The following SYNPR variants were observed in gnomAD, a reference collection of about 807,000 sequenced individuals.
SYNPR encodes the protein synaptoporin.
In SYNPR, 23 loss-of-function variants were observed where a neutral mutation model predicts 32.9. That is an observed-to-expected ratio of 0.70 (90% CI 0.50 to 0.99). SYNPR has a LOEUF of 0.99. Among genes scored for constraint, SYNPR ranks in the 50% least tolerant of loss-of-function variants. The pLI is 0.00. For synonymous variants in SYNPR, 146 were observed against 135.9 expected, an observed-to-expected ratio of 1.07 and a Z score of -0.52; for missense variants, 318 against 349.3, an observed-to-expected ratio of 0.91 and a Z score of 0.71.
intron 3 of SYNPR, among the ~76,000 whole-genome samples, chr3:63,493,072 G>A (rs1322051656): frequency 2.0e-5 from 3 of 152,058 alleles, no homozygotes; most frequent in Non-Finnish European, 4.4e-5. Flanking sequence ...AGAAAGAAAT[G>A]TTAGGACATG....
chr3:63,429,474 T>C lies in SYNPR; in HGVS notation c.85-51358T>C, dbSNP rs141830564. On this transcript the variant is annotated intron_variant, in intron 2 of 5. Transcript: ENST00000478300. The stretch of plus-strand genomic sequence containing the variant: ...GCACCATCTTAGGACTGCAACATTT[T>C]AGCCATCTTTGGAATCCCTAGGGAA... Among the ~76,000 whole-genome samples the C allele has an allele frequency of 6.4e-3, 972 of 152,330 alleles. 10 individuals carry two copies. The highest frequency in any genetic ancestry group is 0.022 in the African/African-American group (923 of 41,574).
intron 4 of SYNPR, among the ~76,000 whole-genome samples, chr3:63,608,408 A>G (rs139043823): frequency 9.2e-5 from 14 of 152,310 alleles, no homozygotes; most frequent in Non-Finnish European, 1.9e-4. Context: ...CCTCTTTAAA[A>G]TGGGCATAAG....
intron 3 of SYNPR, among the ~76,000 whole-genome samples, chr3:63,486,423 A>C (rs1328241183): frequency 6.6e-6 from 1 of 152,214 alleles, no homozygotes. Context: ...AGGCACCAGC[A>C]GGACAGAATC....
chr3:63,444,667 T>C (rs1700239904), intron 2 of SYNPR, among the ~76,000 whole-genome samples: 2 of 152,174 alleles, frequency 1.3e-5, no homozygotes, highest in Non-Finnish European at 2.9e-5. Context: ...AGTAGTCTTA[T>C]GACAGCTCAG....
At chr3:63,606,413 C>CTTTCT (rs1700120395) in intron 4 of SYNPR, among the ~76,000 whole-genome samples, 1 of 63,458 alleles carries the variant, frequency 1.6e-5, no homozygotes, top group African/African-American at 4.9e-5. Context: ...ACCTCAAATC[C>CTTTCT]TTTCTTTTTT....
chr3:63,405,570 G>C (rs1463885112), intron 2 of SYNPR, among the ~76,000 whole-genome samples: 1 of 152,074 alleles, frequency 6.6e-6, no homozygotes. Context: ...GTTAAAGAAA[G>C]AACCTAATCT....
At chr3:63,205,605 G>A in the SYNPR span, among the ~76,000 whole-genome samples, 2 of 152,218 alleles carry the variant, frequency 1.3e-5, no homozygotes, top group African/African-American at 2.4e-5. Flanking sequence ...CTGAGTGAAA[G>A]CTCATTGACA....
chr3:63,355,666 TC>T (rs1213184138), intron 2 of SYNPR, among the ~76,000 whole-genome samples: 1 of 152,046 alleles, frequency 6.6e-6, no homozygotes. Flanking sequence ...CTCCATGCCC[TC>T]CCATTCTCCG....
intron 2 of SYNPR, among the ~76,000 whole-genome samples, chr3:63,393,321 TA>T (rs1452765571): frequency 1.3e-5 from 2 of 152,138 alleles, no homozygotes; most frequent in Admixed American, 6.5e-5. Context: ...GGGTAAATAC[TA>T]AAAAGTACAA....
chr3:63,299,912 A>G (rs1031227378), intron 2 of SYNPR, among the ~76,000 whole-genome samples: 13 of 152,254 alleles, frequency 8.5e-5, no homozygotes, highest in African/African-American at 3.1e-4. Flanking sequence ...TGTTGGGGAT[A>G]CTAATCTTTA....
At chr3:63,203,068 G>A in the SYNPR span, 5 of 108,584 alleles carry the variant, frequency 4.6e-5, no homozygotes, top group Admixed American at 2.6e-4. Flanking sequence ...ATATGTATGT[G>A]TATATATATA....
chr3:63,338,033 A>G (rs2087317412), intron 2 of SYNPR, among the ~76,000 whole-genome samples: 1 of 152,218 alleles, frequency 6.6e-6, no homozygotes, highest in Admixed American at 6.5e-5. Context: ...TAATGTACCA[A>G]TATGGGTTTA....
chr3:63,404,447 C>G (rs2088332964), intron 2 of SYNPR, among the ~76,000 whole-genome samples: 1 of 151,896 alleles, frequency 6.6e-6, no homozygotes, highest in Admixed American at 6.6e-5. Flanking sequence ...AGACAAGATC[C>G]CTTATTTAAA....
chr3:63,500,365 G>A (rs886149129), intron 3 of SYNPR, among the ~76,000 whole-genome samples: 2 of 152,080 alleles, frequency 1.3e-5, no homozygotes, highest in African/African-American at 2.4e-5. Context: ...CCAGGGTTAC[G>A]AGATCTGACT....
At chr3:63,350,247 A>AC (rs2087489774) in intron 2 of SYNPR, among the ~76,000 whole-genome samples, 2 of 145,564 alleles carry the variant, frequency 1.4e-5, no homozygotes, top group African/African-American at 5.1e-5. Context: ...CACACATACA[A>AC]ACACAATTAT....
chr3:63,466,011 T>C (rs374794984), intron 2 of SYNPR, among the ~76,000 whole-genome samples: 1 of 152,202 alleles, frequency 6.6e-6, no homozygotes, highest in East Asian at 1.9e-4. Flanking sequence ...CACCCAGGTG[T>C]TAACCCTAGT....
chr3:63,359,282 A>G (rs1194459438), intron 2 of SYNPR, among the ~76,000 whole-genome samples: 2 of 152,138 alleles, frequency 1.3e-5, no homozygotes, highest in African/African-American at 4.8e-5. Context: ...TCCAAACAGG[A>G]GACTTTACCT....
At chr3:63,307,485 G>A (rs114763285) in intron 2 of SYNPR, among the ~76,000 whole-genome samples, 92 of 151,966 alleles carry the variant, frequency 6.1e-4, no homozygotes, top group African/African-American at 2.0e-3. Context: ...ATAATAATAC[G>A]TTCATATTTT....
chr3:63,359,376 C>G (rs992893644), intron 2 of SYNPR, among the ~76,000 whole-genome samples: 27 of 152,258 alleles, frequency 1.8e-4, no homozygotes, highest in Non-Finnish European at 1.3e-4. Context: ...CCCAACCACA[C>G]TACCGTTAGG....
Sources: allele counts gnomAD v4.1 joint callset (sites outside exome capture counted in the v4.1 genomes callset), GRCh38; gene constraint gnomAD v4.1.1; transcripts MANE v1.5; gene names NCBI Gene and HGNC (gene_info 2026-07-23, HGNC 2026-07-21).